The following SLC19A2 variants were observed in gnomAD, a reference collection of about 807,000 sequenced individuals.
SLC19A2 encodes the protein thiamine transporter 1.
SLC19A2 carries 27 observed loss-of-function variants against 44.7 expected under a neutral mutation model. That is an observed-to-expected ratio of 0.60 (90% CI 0.45 to 0.83). The LOEUF is 0.83. Among genes scored for constraint, SLC19A2 ranks in the 40% least tolerant of loss-of-function variants. The probability of loss-of-function intolerance (pLI) is 0.00; values close to 1 mark genes in which losing one functional copy is unlikely to be tolerated. For synonymous variants in SLC19A2, 239 were observed against 243.6 expected (o/e 0.98, Z 0.18); for missense variants, 566 against 613.7 (o/e 0.92, Z 0.82).
chr1:169,477,078 G>A (rs957313788), intron 2 of SLC19A2, 77 bp downstream of exon 2: 53 of 1,494,864 alleles, frequency 3.5e-5, no homozygotes, highest in Non-Finnish European at 4.2e-5. Context: ...GATCTACCAA[G>A]AGGGAGTTTG....
chr1:169,477,445 A>T lies in SLC19A2; in HGVS notation c.517T>A (p.Ser173Thr). The T allele has an allele frequency of 1.2e-6, 2 of 1,614,218 alleles. No homozygotes were observed. Among genetic ancestry groups the T allele is most frequent in the Non-Finnish European group, 1.7e-6 (2 of 1,180,028 alleles). ...SATLVGFTVG[S>T]VLGQILVSVA... Reference sequence around the variant, plus strand: ...GAGACAAGGATTTGCCCTAGGACAGAGCCCACTGTAAAGCCCACCAAAGTG... The same window carrying T: ...GAGACAAGGATTTGCCCTAGGACAGTGCCCACTGTAAAGCCCACCAAAGTG... The change falls in exon 2 of 6, where the codon TCT (serine) becomes ACT (threonine). Residue 173 changes from serine to threonine, a missense_variant. By Grantham distance (58) the Ser-to-Thr change is moderately conservative. Coordinates refer to ENST00000236137, the MANE Select transcript of SLC19A2 (RefSeq NM_006996.3).
At position 169,485,732 on chromosome 1, in the gene SLC19A2, G is replaced by A. The variant is rs1356910802; in HGVS notation, c.35C>T (p.Ala12Val). 2 of 1,531,030 alleles carry A rather than the reference G, an allele frequency of 1.3e-6. No homozygotes were observed. The highest frequency in any genetic ancestry group is 1.7e-6 in the Non-Finnish European group (2 of 1,143,774). 94.8% of individuals were successfully genotyped at this position (1,531,030 alleles called of 1,614,324 possible). ...CAGGAGCACAGTGGCCGCCGCCGCCGCCGCCCGCCGAGACACCGGGCCGGG... is the reference window on the plus strand; with the variant it reads ...CAGGAGCACAGTGGCCGCCGCCGCCACCGCCCGCCGAGACACCGGGCCGGG... Reference protein sequence around the residue: ...DVPGPVSRRAAAAAATVLLRT... With the variant: ...DVPGPVSRRAVAAAATVLLRT... Residue 12 changes from alanine to valine, a missense_variant, in exon 1 of 6, where the codon GCG becomes GTG. Ala to Val is a moderately conservative substitution (Grantham distance 64). Coordinates refer to ENST00000236137, the MANE Select transcript of SLC19A2 (RefSeq NM_006996.3).
At chr1:169,471,909 T>C (rs1213757183) in intron 2 of SLC19A2, among the ~76,000 whole-genome samples, 1 of 152,042 alleles carries the variant, frequency 6.6e-6, no homozygotes, top group Admixed American at 6.5e-5. Context: ...TGGTGCTTCC[T>C]TCTTTGTGCT....
chr1:169,465,544 A>C lies in SLC19A2; in HGVS notation c.*305T>G, dbSNP rs1657966075. ...AAACACCAAACTCACTTGCTAATGAAGTATACAACACCATGTGCTGCTTTG... is the reference window on the plus strand; with the variant it reads ...AAACACCAAACTCACTTGCTAATGACGTATACAACACCATGTGCTGCTTTG... On this transcript the variant is annotated 3_prime_UTR_variant, in exon 6 of 6. Transcript: ENST00000236137. 2.8e-6 allele frequency: 1 copy of C among 362,654 alleles called. No individual in the cohort carries two copies. Among genetic ancestry groups the C allele is most frequent in the African/African-American group, 2.1e-5 (1 of 47,742 alleles). 22.5% of individuals were successfully genotyped at this position (362,654 alleles called of 1,614,324 possible). A position where few individuals can be genotyped will look rare whatever the true frequency, so the allele number is the denominator to read the frequency against.
intron 1 of SLC19A2, among the ~76,000 whole-genome samples, chr1:169,481,602 A>G (rs1483323316): frequency 6.6e-6 from 1 of 152,210 alleles, no homozygotes; most frequent in Admixed American, 6.5e-5. Context: ...TTGAAGGGAA[A>G]CATCCTACAG....
In SLC19A2 at chr1:169,485,884, G is replaced by GA; in HGVS notation, c.-119_-118insT. The GA allele has an allele frequency of 1.7e-6, 2 of 1,207,034 alleles. No individual in the cohort carries two copies. Among genetic ancestry groups the GA allele is most frequent in the Non-Finnish European group, 2.3e-6 (2 of 888,808 alleles). 74.8% of individuals were successfully genotyped at this position (1,207,034 alleles called of 1,614,324 possible). A position where few individuals can be genotyped will look rare whatever the true frequency, so the allele number is the denominator to read the frequency against. On this transcript the variant is annotated 5_prime_UTR_variant, in exon 1 of 6. Transcript: ENST00000236137. ...CGCCTTCTCCCTGTAAGGCCAGGAC[G>GA]TTCTGGACTCGCCGCCGCCTCCGGC...
At position 169,464,129 on chromosome 1, in the gene SLC19A2, T is replaced by C. The variant is rs1260776696; in HGVS notation, c.*1720A>G. 6.6e-6 allele frequency: 1 copy of C among 152,574 alleles called. No homozygotes were observed. The highest frequency in any genetic ancestry group is 1.5e-5 in the Non-Finnish European group (1 of 68,002). The allele number at this position is 152,574 out of a possible 1,614,324, so 9.5% of individuals were successfully genotyped here. ...TATATAAGAAAAGGCTCAGGTTGTA[T>C]GCCACAAACTTTGAATTAAATTCCA... On this transcript the variant is annotated 3_prime_UTR_variant, in exon 6 of 6. Coordinates refer to ENST00000236137, the MANE Select transcript of SLC19A2 (RefSeq NM_006996.3).
Position 169,485,709 on chromosome 1 carries a change from G to A in SLC19A2, c.58C>T (p.Leu20=). ...TCGCGACGGACCCGAGCGGTCCGCA[G>A]GAGCACAGTGGCCGCCGCCGCCGCC... ...RAAAAAATVL[L]RTARVRRECW... is the part of the protein sequence containing the mutation. The change falls in exon 1 of 6, where the codon CTG becomes TTG. Residue 20 remains leucine (L), a synonymous_variant. Transcript: ENST00000236137. 2 of 1,541,846 alleles carry A rather than the reference G, an allele frequency of 1.3e-6. No homozygotes were observed. The highest frequency in any genetic ancestry group is 2.4e-5 in the East Asian group (1 of 40,846).
At chr1:169,469,850 A>AT (rs1447182700) in intron 3 of SLC19A2, 114 bp downstream of exon 3, 3 of 976,334 alleles carry the variant, frequency 3.1e-6, no homozygotes, top group South Asian at 2.7e-5. Flanking sequence ...CAAAATAATC[A>AT]TTTTTTGAGG....
rs181612338 is a variant in SLC19A2 at position 169,485,789 on chromosome 1, C to G, written c.-23G>C. ...CATCCGGGGCGCGAGGGGAGGGGAC[C>G]CGGCCCGGCCCCTTCCTTCTCCTCC... On this transcript the variant is annotated 5_prime_UTR_variant, in exon 1 of 6. Transcript: ENST00000236137. 9.1e-4 allele frequency: 1,380 copies of G among 1,514,466 alleles called. 18 individuals carry two copies. The African/African-American group carries it at 0.017, about 18-fold the overall frequency. The allele number at this position is 1,514,466 out of a possible 1,614,324, so 93.8% of individuals were successfully genotyped here. A position where few individuals can be genotyped will look rare whatever the true frequency, so the allele number is the denominator to read the frequency against.
In SLC19A2 at chr1:169,465,674, G is replaced by C; in HGVS notation, c.*175C>G. On this transcript the variant is annotated 3_prime_UTR_variant, in exon 6 of 6. Transcript: ENST00000236137. ...AATCCATGAAATAAACTTTACTTCT[G>C]GCTCCTCTGAATAGTATCATGTTAT... 1.5e-6 allele frequency: 1 copy of C among 647,390 alleles called. No individual in the cohort carries two copies. Among genetic ancestry groups the C allele is most frequent in the South Asian group, 1.9e-5 (1 of 53,926 alleles). The allele number at this position is 647,390 out of a possible 1,614,324, so 40.1% of individuals were successfully genotyped here.
intron 2 of SLC19A2, among the ~76,000 whole-genome samples, chr1:169,471,964 C>A (rs1037554600): frequency 1.3e-5 from 2 of 151,938 alleles, no homozygotes; most frequent in African/African-American, 4.8e-5. Flanking sequence ...TTACTACAGC[C>A]CCTTTCCAAA....
At position 169,484,501 on chromosome 1, in the gene SLC19A2, C is replaced by A. The variant is rs192163123; in HGVS notation, c.204+1062G>T. Among the ~76,000 whole-genome samples, 445 of 152,226 alleles carry A rather than the reference C, an allele frequency of 2.9e-3. 3 individuals carry two copies. The highest frequency in any genetic ancestry group is 0.01 in the African/African-American group (431 of 41,512). ...AAAAAGAAAAAGCTCTCAAGTGGCC[C>A]CTTGACTGATAGTAGGAAAAAGAAC... On this transcript the variant is annotated intron_variant, in intron 1 of 5. Coordinates refer to ENST00000236137, the MANE Select transcript of SLC19A2 (RefSeq NM_006996.3).
chr1:169,465,411 A>G lies in SLC19A2; in HGVS notation c.*438T>C. 1 of 199,262 alleles carries G rather than the reference A, an allele frequency of 5.0e-6. No individual in the cohort carries two copies. The highest frequency in any genetic ancestry group is 1.3e-4 in the East Asian group (1 of 7,866). 12.3% of individuals were successfully genotyped at this position (199,262 alleles called of 1,614,324 possible). On this transcript the variant is annotated 3_prime_UTR_variant, in exon 6 of 6. Transcript: ENST00000236137. The stretch of plus-strand genomic sequence containing the variant: ...ATTGAATAGAGGCAGATGCTGTTAG[A>G]ACATATTTCCATCCATCATGACTTG...
rs576208768 is a variant in SLC19A2 at position 169,468,654 on chromosome 1, T to C, written c.1213A>G (p.Thr405Ala). The part of the protein sequence containing the change: ...VFRIIYMLLI[T>A]IATFQIAANL... Reference sequence around the variant, plus strand: ...AGCCAAAATACATACGTTGCTATCGTGATGAGTAACATGTAGATGATTCTG... The same window carrying C: ...AGCCAAAATACATACGTTGCTATCGCGATGAGTAACATGTAGATGATTCTG... Residue 405 changes from threonine (T) to alanine (A), a missense_variant, in exon 4 of 6, where the codon ACG becomes GCG. Physicochemically the swap from Thr to Ala is moderately conservative, Grantham distance 58 (BLOSUM62 0). Transcript: ENST00000236137. 73 of 1,613,694 alleles carry C rather than the reference T, an allele frequency of 4.5e-5. No homozygotes were observed. In the East Asian group the frequency reaches 1.5e-3, roughly 34 times the overall value.
chr1:169,468,366 C>T (rs1372126754), intron 4 of SLC19A2, 114 bp from the exon 5 acceptor site: 6 of 916,174 alleles, frequency 6.5e-6, no homozygotes, highest in Non-Finnish European at 8.1e-6. Flanking sequence ...CTTCTTTCTA[C>T]TGTCAATTGC....
At chr1:169,474,201 A>G (rs1410664024) in intron 2 of SLC19A2, 1 of 152,172 alleles carries the variant, frequency 6.6e-6, no homozygotes, top group East Asian at 1.9e-4. Flanking sequence ...ATTTAATACC[A>G]AAGTGGAAGC....
At chr1:169,473,494 C>T (rs1255992164) in intron 2 of SLC19A2, among the ~76,000 whole-genome samples, 1 of 151,818 alleles carries the variant, frequency 6.6e-6, no homozygotes, top group Non-Finnish European at 1.5e-5. Context: ...GATCTGCCTG[C>T]CTTGCCCACC....
At position 169,471,134 on chromosome 1, in the gene SLC19A2, G is replaced by A. The variant is rs370692852; in HGVS notation, c.808-948C>T. Among the ~76,000 whole-genome samples, 13 of 150,916 alleles carry A rather than the reference G, an allele frequency of 8.6e-5. No individual in the cohort carries two copies. The East Asian group carries it at 1.4e-3, about 16-fold the overall frequency. Reference sequence around the variant, plus strand: ...AAAGGCAAAATGAGAGCCATGGAAAGATGAGTACAATATACCACTGAGTAA... The same window carrying A: ...AAAGGCAAAATGAGAGCCATGGAAAAATGAGTACAATATACCACTGAGTAA... On this transcript the variant is annotated intron_variant, in intron 2 of 5. Transcript: ENST00000236137.
Sources: allele counts gnomAD v4.1 joint callset (sites outside exome capture counted in the v4.1 genomes callset), GRCh38; gene constraint gnomAD v4.1.1; transcripts MANE v1.5; gene names NCBI Gene and HGNC (gene_info 2026-07-23, HGNC 2026-07-21).